TNRC6A: variants seen among roughly 807,000 people sequenced by gnomAD.
The protein encoded by TNRC6A is trinucleotide repeat containing adaptor 6A.
TNRC6A carries 44 observed loss-of-function variants against 221.2 expected under a neutral mutation model. That is an observed-to-expected ratio of 0.20 (90% CI 0.16 to 0.26). TNRC6A has a LOEUF of 0.26. Among genes scored for constraint, TNRC6A ranks in the 10% least tolerant of loss-of-function variants. The pLI is 1.00. For missense variants in TNRC6A, 2,199 were observed against 2,404.4 expected, an observed-to-expected ratio of 0.91 and a Z score of 1.79; for synonymous variants, 847 against 838.5, an observed-to-expected ratio of 1.01 and a Z score of -0.18.
chr16:24,729,978 C>A, intron 1 of TNRC6A, 132 bp downstream of exon 1: 3 of 859,384 alleles, frequency 3.5e-6, no homozygotes, highest in Non-Finnish European at 2.9e-6. Context: ...GGCGGGAGGG[C>A]GCAGGCTGCG....
At chr16:24,614,554 G>A (rs1306645279) in intron 1 of TNRC6A, among the ~76,000 whole-genome samples, 1 of 152,180 alleles carries the variant, frequency 6.6e-6, no homozygotes, top group Non-Finnish European at 1.5e-5. Context: ...GGTCTGTTTT[G>A]GATATGGATT....
chr16:24,767,181 A>G (rs556802530), intron 4 of TNRC6A, among the ~76,000 whole-genome samples: 1 of 152,340 alleles, frequency 6.6e-6, no homozygotes, highest in Admixed American at 6.5e-5. Context: ...ACGAGGCAAG[A>G]ATATCTAAAT....
intron 2 of TNRC6A, among the ~76,000 whole-genome samples, chr16:24,652,082 T>G (rs947063303): frequency 6.6e-6 from 1 of 151,894 alleles, no homozygotes; most frequent in Non-Finnish European, 1.5e-5. Context: ...AATGCATGTA[T>G]GTATTACTCA....
chr16:24,611,442 C>T (rs1246407910), intron 1 of TNRC6A, among the ~76,000 whole-genome samples: 1 of 152,112 alleles, frequency 6.6e-6, no homozygotes, highest in African/African-American at 2.4e-5. Context: ...CACACCCCAG[C>T]TCAGCAAGGG....
chr16:24,750,938 A>T (rs907735498), intron 3 of TNRC6A, 125 bp downstream of exon 3: 2 of 929,396 alleles, frequency 2.2e-6, no homozygotes, highest in African/African-American at 3.4e-5. Flanking sequence ...ATTCATTTTA[A>T]TATTTAATGT....
At chr16:24,630,032 A>G (rs933155490) in intron 1 of TNRC6A, among the ~76,000 whole-genome samples, 3 of 152,142 alleles carry the variant, frequency 2.0e-5, no homozygotes, top group African/African-American at 7.2e-5. Context: ...AGTGTCCTAC[A>G]TAACTTTTCA....
At chr16:24,734,555 C>G (rs372337511) in intron 2 of TNRC6A, among the ~76,000 whole-genome samples, 16 of 152,322 alleles carry the variant, frequency 1.1e-4, no homozygotes, top group African/African-American at 3.8e-4. Flanking sequence ...CTTCATTTCT[C>G]AAGTGAGAAA....
intron 1 of TNRC6A, among the ~76,000 whole-genome samples, chr16:24,629,700 C>T (rs999435887): frequency 4.6e-5 from 7 of 151,978 alleles, no homozygotes; most frequent in Admixed American, 6.6e-5. Flanking sequence ...ACACATAGAC[C>T]GGGCACAGTG....
At chr16:24,706,538 CA>C (rs900597362) in intron 2 of TNRC6A, among the ~76,000 whole-genome samples, 1 of 151,912 alleles carries the variant, frequency 6.6e-6, no homozygotes, top group African/African-American at 2.4e-5. Context: ...GGTGAAACCC[CA>C]TCTCCACTAA....
intron 2 of TNRC6A, among the ~76,000 whole-genome samples, chr16:24,735,027 A>G (rs573353978): frequency 6.6e-6 from 1 of 152,348 alleles, no homozygotes; most frequent in African/African-American, 2.4e-5. Flanking sequence ...CACACGGGTA[A>G]TCCCAGCACT....
intron 11 of TNRC6A, among the ~76,000 whole-genome samples, chr16:24,800,281 A>G (rs555119494): frequency 2.0e-4 from 31 of 152,314 alleles, no homozygotes; most frequent in Admixed American, 1.6e-3. Flanking sequence ...AATTGGAGAG[A>G]CACATACCGC....
intron 4 of TNRC6A, among the ~76,000 whole-genome samples, chr16:24,765,937 A>G (rs1425775831): frequency 1.3e-5 from 2 of 152,216 alleles, no homozygotes; most frequent in African/African-American, 2.4e-5. Flanking sequence ...GGCAAGGATT[A>G]TTTCTAACAA....
Position 24,823,371 on chromosome 16 carries a change from G to A in TNRC6A, c.5514-61G>A, listed in dbSNP as rs948861090. The A allele has an allele frequency of 1.3e-6, 2 of 1,537,070 alleles. No individual in the cohort carries two copies. Among genetic ancestry groups the A allele is most frequent in the Admixed American group, 3.9e-5 (2 of 51,434 alleles). On this transcript the variant is annotated intron_variant, in intron 24 of 24. Coordinates refer to ENST00000395799, the MANE Select transcript of TNRC6A (RefSeq NM_014494.4). The surrounding 1 kb of genome is among the most constrained non-coding windows in gnomAD (Gnocchi z 4.3). ...AGAGACAAGTTGCACCCTCACTTGTGAGTGAATGAAGCCCTCCTGGTGTGC... is the reference window on the plus strand; with the variant it reads ...AGAGACAAGTTGCACCCTCACTTGTAAGTGAATGAAGCCCTCCTGGTGTGC...
chr16:24,750,752 TGATG>T lies in TNRC6A; in HGVS notation c.83_86del (p.Met28LysfsTer31). ...GATTTAGTGCAAGAAGAAGAACAGTTGATGGAAGAAAAGAAAAAGAAAAAAGACG... is the reference window on the plus strand; with the variant it reads ...GATTTAGTGCAAGAAGAAGAACAGTTGAAGAAAAGAAAAAGAAAAAAGACG... On this transcript the variant is annotated frameshift_variant, in exon 3 of 25. Coordinates refer to ENST00000395799, the MANE Select transcript of TNRC6A (RefSeq NM_014494.4). LOFTEE classifies it high-confidence loss of function. 1.3e-6 allele frequency: 2 copies of T among 1,562,130 alleles called. No homozygotes were observed. Among genetic ancestry groups the T allele is most frequent in the Non-Finnish European group, 1.7e-6 (2 of 1,158,784 alleles).
At chr16:24,750,017 G>A (rs1349392287) in intron 2 of TNRC6A, among the ~76,000 whole-genome samples, 1 of 152,130 alleles carries the variant, frequency 6.6e-6, no homozygotes, top group African/African-American at 2.4e-5. Flanking sequence ...GCAGGTACTT[G>A]TAAACCCGGC....
Position 24,794,541 on chromosome 16 carries a change from C to G in TNRC6A, c.3353-3C>G, listed in dbSNP as rs780138380. 7 of 1,603,842 alleles carry G rather than the reference C, an allele frequency of 4.4e-6. No individual in the cohort carries two copies. Among genetic ancestry groups the G allele is most frequent in the Non-Finnish European group, 5.1e-6 (6 of 1,176,610 alleles). On this transcript the variant is annotated splice_region_variant and splice_polypyrimidine_tract_variant and intron_variant, in intron 7 of 24. Transcript: ENST00000395799. ...TCTCTTTATATCACAAATCCACAAT[C>G]AGGGCCAAAATCTATGCAAGATGGC...
intron 8 of TNRC6A, among the ~76,000 whole-genome samples, 191 bp downstream of exon 8, chr16:24,794,910 C>G (rs1233280716): frequency 6.6e-6 from 1 of 152,148 alleles, no homozygotes; most frequent in Non-Finnish European, 1.5e-5. Flanking sequence ...TCCTTTCTCC[C>G]CACTGCTACA....
At chr16:24,794,779 G>A in intron 8 of TNRC6A, 60 bp downstream of exon 8, 1 of 1,531,314 alleles carries the variant, frequency 6.5e-7, no homozygotes, top group Non-Finnish European at 8.8e-7. Flanking sequence ...TTTACCCACA[G>A]AAAATTAACT....
chr16:24,626,959 T>TG (rs1400883888), intron 1 of TNRC6A, among the ~76,000 whole-genome samples: 1 of 151,716 alleles, frequency 6.6e-6, no homozygotes, highest in African/African-American at 2.4e-5. Context: ...GCCTGTTTTT[T>TG]TTTTTTTTTT....
Sources: gnomAD v4.1 joint callset for allele counts (sites outside exome capture counted in the v4.1 genomes callset) on GRCh38, gnomAD v4.1.1 for gene constraint, Gnocchi (gnomAD v3.1) non-coding constraint, MANE v1.5 for transcripts, NCBI Gene and HGNC (gene_info 2026-07-23, HGNC 2026-07-21) for gene names.